The following NUBP1 variants were observed in gnomAD, a reference collection of about 807,000 sequenced individuals.
NUBP1 encodes cytosolic Fe-S cluster assembly factor NUBP1.
Under a neutral mutation model 41.8 loss-of-function variants are expected in NUBP1, and 46 were observed. That is an observed-to-expected ratio of 1.10 (90% confidence interval 0.87 to 1.41). The LOEUF (loss-of-function observed/expected upper bound fraction) is 1.41. NUBP1 is among the 40% of genes most tolerant of loss of function. The probability of loss-of-function intolerance (pLI) is 0.00; values close to 1 mark genes in which losing one functional copy is unlikely to be tolerated. For synonymous variants in NUBP1, 189 were observed against 154.6 expected (o/e 1.22, Z -1.65); for missense variants, 494 against 414.0 (o/e 1.19, Z -1.68).
At chr16:10,743,928 A>G in intron 1 of NUBP1, 33 bp from the exon 2 acceptor site, 1 of 1,583,848 alleles carries the variant, frequency 6.3e-7, no homozygotes. Context: ...AAGTGTCGGG[A>G]GCTGCTCTAA....
Position 10,749,605 on chromosome 16 carries a change from T to C in NUBP1, c.258+2329T>C, listed in dbSNP as rs1435812736. Among the ~76,000 whole-genome samples, 1 of 152,192 alleles carries C rather than the reference T, an allele frequency of 6.6e-6. No individual in the cohort carries two copies. The highest frequency in any genetic ancestry group is 2.4e-5 in the African/African-American group (1 of 41,450). ...GACCTACTCATGACAGTGACATCAC[T>C]ATCTGCAAAGTGTCAACACATGGAA... On this transcript the variant is annotated intron_variant, in intron 3 of 10. Coordinates refer to ENST00000283027, the MANE Select transcript of NUBP1 (RefSeq NM_002484.4). This position sits in a 1 kb window ranked among gnomAD's most constrained non-coding sequence, Gnocchi z 4.1.
At chr16:10,762,039 C>T in intron 9 of NUBP1, 180 bp downstream of exon 9, 6 of 550,184 alleles carry the variant, frequency 1.1e-5, no homozygotes, top group South Asian at 9.4e-5. Flanking sequence ...GAGGCCGAGA[C>T]CCCTGCGGGC....
At chr16:10,745,285 A>G (rs1398870936) in intron 2 of NUBP1, among the ~76,000 whole-genome samples, 1 of 151,824 alleles carries the variant, frequency 6.6e-6, no homozygotes, top group African/African-American at 2.4e-5. Flanking sequence ...CCTGGCCAAC[A>G]TGGTGAAACC....
chr16:10,762,203 G>C, intron 9 of NUBP1: 1 of 194,818 alleles, frequency 5.1e-6, no homozygotes, highest in Non-Finnish European at 1.1e-5. Context: ...TACAGAGGAA[G>C]GCGGCCTGAG....
At chr16:10,761,611 G>T in intron 8 of NUBP1, 137 bp downstream of exon 8, 1 of 977,666 alleles carries the variant, frequency 1.0e-6, no homozygotes. Flanking sequence ...ATCCCTTTCT[G>T]CTGACTAAAG....
intron 2 of NUBP1, 129 bp downstream of exon 2, chr16:10,744,194 A>T: frequency 1.4e-4 from 92 of 664,176 alleles, no homozygotes; most frequent in East Asian, 5.1e-4. Context: ...GTATTCGGAG[A>T]GGGGTGGGGC....
At position 10,766,063 on chromosome 16, in the gene NUBP1, T is replaced by G. The variant is rs749269166; in HGVS notation, c.821-1886T>G. ...CTTCCTAGGAACAGACAGGAAGGCA[T>G]GAGGACAGCACTTCAGTCTCCTCTG... On this transcript the variant is annotated intron_variant, in intron 9 of 10. Transcript: ENST00000283027. The surrounding 1 kb of genome is among the most constrained non-coding windows in gnomAD (Gnocchi z 4.8). The G allele has an allele frequency of 1.3e-5, 2 of 152,296 alleles. No individual in the cohort carries two copies. Among genetic ancestry groups the G allele is most frequent in the Non-Finnish European group, 2.9e-5 (2 of 68,126 alleles). The allele number at this position is 152,296 out of a possible 1,614,324, so 9.4% of individuals were successfully genotyped here.
At chr16:10,744,131 AG>A (rs1231627760) in intron 2 of NUBP1, 66 bp downstream of exon 2, 7 of 414,210 alleles carry the variant, frequency 1.7e-5, no homozygotes, top group Non-Finnish European at 2.9e-5. Flanking sequence ...GGGGCGTGGG[AG>A]GGAGGGGGCG....
chr16:10,767,508 T>A lies in NUBP1; in HGVS notation c.821-441T>A. 1 of 435,970 alleles carries A rather than the reference T, an allele frequency of 2.3e-6. No individual in the cohort carries two copies. Among genetic ancestry groups the A allele is most frequent in the Non-Finnish European group, 4.0e-6 (1 of 248,990 alleles). 27.0% of individuals were successfully genotyped at this position (435,970 alleles called of 1,614,324 possible). A position where few individuals can be genotyped will look rare whatever the true frequency, so the allele number is the denominator to read the frequency against. ...TGCGCACACATGCAAGTGTGCACAT[T>A]TATATGCGCATAATCTTTCTGGAAA... On this transcript the variant is annotated intron_variant, in intron 9 of 10. Transcript: ENST00000283027. This position sits in a 1 kb window ranked among gnomAD's most constrained non-coding sequence, Gnocchi z 4.6.
In NUBP1 at chr16:10,769,238, C is replaced by G; in HGVS notation, c.*133C>G. The G allele has an allele frequency of 2.9e-6, 2 of 694,116 alleles. No individual in the cohort carries two copies. Among genetic ancestry groups the G allele is most frequent in the Non-Finnish European group, 2.5e-6 (1 of 398,608 alleles). The allele number at this position is 694,116 out of a possible 1,614,324, so 43.0% of individuals were successfully genotyped here. On this transcript the variant is annotated 3_prime_UTR_variant, in exon 11 of 11. Coordinates refer to ENST00000283027, the MANE Select transcript of NUBP1 (RefSeq NM_002484.4). ...ACCAGATGCTGGTGTGGTCCGAAGC[C>G]ACTTTCTCAGAGACACTTTAATCAT...
chr16:10,751,274 T>C (rs1403173352), intron 3 of NUBP1, among the ~76,000 whole-genome samples: 1 of 152,210 alleles, frequency 6.6e-6, no homozygotes, highest in African/African-American at 2.4e-5. Flanking sequence ...GGAAAGTCTC[T>C]ATCACAGTCA....
At position 10,757,034 on chromosome 16, in the gene NUBP1, T is replaced by C. The variant is rs931378866; in HGVS notation, c.451+254T>C. On this transcript the variant is annotated intron_variant, in intron 6 of 10. Transcript: ENST00000283027. This position sits in a 1 kb window ranked among gnomAD's most constrained non-coding sequence, Gnocchi z 4.1. ...TAGAACCCTGGTCGGGTGTGGTAGCTCACGCCTGTAATCCCAGCACTTTGG... is the reference window on the plus strand; with the variant it reads ...TAGAACCCTGGTCGGGTGTGGTAGCCCACGCCTGTAATCCCAGCACTTTGG... Among the ~76,000 whole-genome samples the C allele has an allele frequency of 8.7e-4, 133 of 152,342 alleles. No individual in the cohort carries two copies. The highest frequency in any genetic ancestry group is 3.1e-3 in the African/African-American group (128 of 41,568).
intron 3 of NUBP1, among the ~76,000 whole-genome samples, chr16:10,748,243 G>T (rs953190538): frequency 5.3e-5 from 8 of 152,150 alleles, no homozygotes; most frequent in African/African-American, 1.9e-4. Context: ...GAGCCACCGT[G>T]CCTGGCCTAA....
chr16:10,757,893 C>T lies in NUBP1; in HGVS notation c.472C>T (p.Arg158Ter), dbSNP rs764698987. The T allele has an allele frequency of 1.2e-5, 20 of 1,614,026 alleles. No homozygotes were observed. The highest frequency in any genetic ancestry group is 1.5e-5 in the Non-Finnish European group (18 of 1,179,948). Residue 158 changes from arginine (R) to a stop codon, truncating the protein, a stop_gained, in exon 7 of 11, where the codon CGA becomes TGA. Coordinates refer to ENST00000283027, the MANE Select transcript of NUBP1 (RefSeq NM_002484.4). LOFTEE classifies it high-confidence loss of function. This position sits in a 1 kb window ranked among gnomAD's most constrained non-coding sequence, Gnocchi z 4.1. ...KKNGMIKQFL[R>*]DVDWGEVDYL... ...TCTAGGCATGATCAAGCAGTTCCTC[C>T]GAGATGTGGACTGGGGAGAGGTCGA...
chr16:10,749,177 T>C lies in NUBP1; in HGVS notation c.258+1901T>C, dbSNP rs1900204954. Among the ~76,000 whole-genome samples the C allele has an allele frequency of 6.9e-6, 1 of 145,788 alleles. No homozygotes were observed. The highest frequency in any genetic ancestry group is 6.7e-5 in the Admixed American group (1 of 14,926). On this transcript the variant is annotated intron_variant, in intron 3 of 10. Transcript: ENST00000283027. This position sits in a 1 kb window ranked among gnomAD's most constrained non-coding sequence, Gnocchi z 4.1. Reference sequence around the variant, plus strand: ...CACACACACACACACACACGTTGATTCGTCATTCTGTGAGTCAGCGATCTC... The same window carrying C: ...CACACACACACACACACACGTTGATCCGTCATTCTGTGAGTCAGCGATCTC...
At chr16:10,753,511 T>C (rs924977662) in intron 4 of NUBP1, among the ~76,000 whole-genome samples, 6 of 152,050 alleles carry the variant, frequency 3.9e-5, no homozygotes, top group African/African-American at 1.2e-4. Context: ...CCAAGGGCAG[T>C]GCATGGAAGC....
At chr16:10,760,228 C>G (rs1263676482) in intron 7 of NUBP1, among the ~76,000 whole-genome samples, 1 of 152,210 alleles carries the variant, frequency 6.6e-6, no homozygotes, top group African/African-American at 2.4e-5. Context: ...CGTTGCGGAC[C>G]CCACGGTCCC....
At chr16:10,755,199 C>G (rs970669489) in intron 4 of NUBP1, among the ~76,000 whole-genome samples, 11 of 152,190 alleles carry the variant, frequency 7.2e-5, no homozygotes, top group African/African-American at 2.7e-4. Context: ...ATTAAACTTT[C>G]AGTGTGCGCT....
chr16:10,759,835 G>A lies in NUBP1; in HGVS notation c.607-1529G>A, dbSNP rs1480788299. On this transcript the variant is annotated intron_variant, in intron 7 of 10. Transcript: ENST00000283027. This position sits in a 1 kb window ranked among gnomAD's most constrained non-coding sequence, Gnocchi z 4.7. ...CAGCCCATTGACTTTCTAGCTGAGC[G>A]CCCCTTCCTCCGCATCCCAGCCTCA... Among the ~76,000 whole-genome samples, 2 of 152,146 alleles carry A rather than the reference G, an allele frequency of 1.3e-5. No homozygotes were observed. The highest frequency in any genetic ancestry group is 1.9e-4 in the East Asian group (1 of 5,190).
Sources: allele counts gnomAD v4.1 joint callset (sites outside exome capture counted in the v4.1 genomes callset), GRCh38; gene constraint gnomAD v4.1.1; non-coding constraint Gnocchi (gnomAD v3.1); transcripts MANE v1.5; gene names NCBI Gene and HGNC (gene_info 2026-07-23, HGNC 2026-07-21).